The following RAPGEF4 variants were observed in gnomAD, a reference collection of about 807,000 sequenced individuals.
RAPGEF4 encodes RAP guanine-nucleotide-exchange factor (GEF) 4.
In RAPGEF4, 66 loss-of-function variants were observed where a neutral mutation model predicts 147.9. The observed-to-expected ratio is 0.45, with a 90% CI of 0.37 to 0.55. The LOEUF (loss-of-function observed/expected upper bound fraction) is 0.55, where lower values mean the gene tolerates loss of function less well. Ranked by LOEUF, RAPGEF4 falls within the 20% of genes least tolerant of loss-of-function variation. RAPGEF4 has a pLI of 0.00. For synonymous variants in RAPGEF4, 419 were observed against 442.7 expected, an observed-to-expected ratio of 0.95 and a Z score of 0.67; for missense variants, 1,071 against 1,257.3, an observed-to-expected ratio of 0.85 and a Z score of 2.24.
chr2:173,002,920 C>G, intron 17 of RAPGEF4, among the ~76,000 whole-genome samples: 1 of 152,164 alleles, frequency 6.6e-6, no homozygotes, highest in East Asian at 1.9e-4. Flanking sequence ...TGAACAAATT[C>G]AGGATGTCTG....
At chr2:172,827,889 C>T (rs183469855) in intron 4 of RAPGEF4, among the ~76,000 whole-genome samples, 35 of 152,288 alleles carry the variant, frequency 2.3e-4, no homozygotes, top group Non-Finnish European at 3.5e-4. Flanking sequence ...CTCGCTGCTG[C>T]CCAAGGATTA....
intron 1 of RAPGEF4, among the ~76,000 whole-genome samples, chr2:172,786,588 C>T (rs1392379328): frequency 6.6e-6 from 1 of 152,170 alleles, no homozygotes; most frequent in Non-Finnish European, 1.5e-5. Context: ...GGTTTTAACA[C>T]TTATTTATAG....
intron 1 of RAPGEF4, among the ~76,000 whole-genome samples, chr2:172,784,686 AAAT>A (rs146547151): frequency 0.015 from 2,219 of 152,326 alleles, 19 homozygotes; most frequent in South Asian, 0.029. Flanking sequence ...CATATAATTA[AAAT>A]AATAACATAA....
At position 172,861,940 on chromosome 2, in the gene RAPGEF4, T is replaced by C. The variant is rs192077167; in HGVS notation, c.444+47515T>C. ...CAAAATGATGCACGTAGCAAGAACT[T>C]GCTTTAAATGAGCCCACTGCCAGCA... On this transcript the variant is annotated intron_variant, in intron 4 of 30. Coordinates refer to ENST00000397081, the MANE Select transcript of RAPGEF4 (RefSeq NM_007023.4). 2.4e-3 allele frequency among the ~76,000 whole-genome samples: 361 copies of C among 152,336 alleles called. 1 individual carries two copies. The highest frequency in any genetic ancestry group is 3.5e-3 in the Non-Finnish European group (236 of 68,024).
chr2:173,017,340 G>A (rs145408808), intron 20 of RAPGEF4, 86 bp from the exon 21 acceptor site: 1 of 1,494,806 alleles, frequency 6.7e-7, no homozygotes, highest in African/African-American at 1.4e-5. Context: ...TCTTGACTCT[G>A]CTTGCTTCTC....
chr2:172,889,790 A>G lies in RAPGEF4; in HGVS notation c.445-28012A>G, dbSNP rs1575146013. 3.1e-6 allele frequency: 3 copies of G among 973,010 alleles called. No individual in the cohort carries two copies. In the African/African-American group the frequency reaches 5.3e-5, roughly 17 times the overall value. The allele number at this position is 973,010 out of a possible 1,614,324, so 60.3% of individuals were successfully genotyped here. On this transcript the variant is annotated intron_variant, in intron 4 of 30. Transcript: ENST00000397081. ...TAAAAATATAGATAGATATTTTGTAAGATTCTAGTCAATGTCAGTATTTAA... is the reference window on the plus strand; with the variant it reads ...TAAAAATATAGATAGATATTTTGTAGGATTCTAGTCAATGTCAGTATTTAA...
chr2:172,818,618 C>T (rs1559056797), intron 4 of RAPGEF4, among the ~76,000 whole-genome samples: 1 of 152,154 alleles, frequency 6.6e-6, no homozygotes, highest in Non-Finnish European at 1.5e-5. Context: ...CTTGTAGGTA[C>T]TCTTACTGTC....
chr2:172,896,110 C>T (rs552934985), intron 4 of RAPGEF4, among the ~76,000 whole-genome samples: 1 of 152,222 alleles, frequency 6.6e-6, no homozygotes, highest in Non-Finnish European at 1.5e-5. Context: ...CATGAACTGC[C>T]GAACTTCACA....
At chr2:172,780,244 C>G (rs903214560) in intron 1 of RAPGEF4, among the ~76,000 whole-genome samples, 1 of 152,146 alleles carries the variant, frequency 6.6e-6, no homozygotes, top group Admixed American at 6.5e-5. Flanking sequence ...AATTCTTCAA[C>G]AGGTGGCTTA....
intron 3 of RAPGEF4, among the ~76,000 whole-genome samples, chr2:172,804,123 G>GA (rs563676805): frequency 1.1e-4 from 17 of 148,522 alleles, no homozygotes; most frequent in South Asian, 2.1e-4. Flanking sequence ...AATTTTTTCT[G>GA]AAAAAAAAAA....
At chr2:172,826,355 A>G (rs567642723) in intron 4 of RAPGEF4, among the ~76,000 whole-genome samples, 9 of 152,220 alleles carry the variant, frequency 5.9e-5, no homozygotes, top group Non-Finnish European at 1.0e-4. Flanking sequence ...ACTCTTACCA[A>G]TAAGTTTTAA....
At chr2:173,037,404 A>G (rs1684181189) in intron 29 of RAPGEF4, among the ~76,000 whole-genome samples, 1 of 152,066 alleles carries the variant, frequency 6.6e-6, no homozygotes, top group Admixed American at 6.5e-5. Context: ...TTTTTTCACA[A>G]CAGATGTGGA....
rs11397728 is a variant in RAPGEF4, at chr2:173,001,993, C to CAAAAAAA, written c.1658+665_1658+671dup. Among the ~76,000 whole-genome samples, 25 of 79,312 alleles carry CAAAAAAA rather than the reference C, an allele frequency of 3.2e-4. 2 individuals carry two copies. Among genetic ancestry groups the CAAAAAAA allele is most frequent in the East Asian group, 1.3e-3 (2 of 1,490 alleles). The allele number at this position is 79,312 out of a possible 152,430, so 52.0% of individuals were successfully genotyped here. A position where few individuals can be genotyped will look rare whatever the true frequency, so the allele number is the denominator to read the frequency against. Reference sequence around the variant, plus strand: ...GCTTACCACAGGAAGGTGATGCTGGCAAAAAAAAAAAAAAAAAAAAAATCC... The same window carrying CAAAAAAA: ...GCTTACCACAGGAAGGTGATGCTGGCAAAAAAAAAAAAAAAAAAAAAAAAAAAAATCC... On this transcript the variant is annotated intron_variant, in intron 17 of 30. Coordinates refer to ENST00000397081, the MANE Select transcript of RAPGEF4 (RefSeq NM_007023.4).
chr2:173,014,869 A>T (rs1349824171), intron 18 of RAPGEF4, among the ~76,000 whole-genome samples: 1 of 152,182 alleles, frequency 6.6e-6, no homozygotes, highest in African/African-American at 2.4e-5. Context: ...TTTATCTTGT[A>T]GTCACGTAGC....
At chr2:172,761,314 A>G (rs1188077710) in intron 1 of RAPGEF4, among the ~76,000 whole-genome samples, 1 of 151,790 alleles carries the variant, frequency 6.6e-6, no homozygotes, top group African/African-American at 2.4e-5. Flanking sequence ...TAGTACAGAC[A>G]AGGTTTCTCC....
rs368051118 is a variant in RAPGEF4 at position 173,018,700 on chromosome 2, C to T, written c.2053C>T (p.Arg685Trp). 94 of 1,613,992 alleles carry T rather than the reference C, an allele frequency of 5.8e-5. No individual in the cohort carries two copies. Among genetic ancestry groups the T allele is most frequent in the East Asian group, 2.9e-4 (13 of 44,888 alleles). Reference protein sequence around the residue: ...YCMDHTYTTIRVPVATSVKEV... With the variant: ...YCMDHTYTTIWVPVATSVKEV... ...CATGGACCACACCTACACAACCATT[C>T]GGGTGCCAGTGGCCACTTCGGTGAA... is the stretch of plus-strand genomic sequence containing the variant. The change falls in exon 22 of 31, where the codon CGG becomes TGG. Residue 685 changes from arginine to tryptophan, a missense_variant. Transcript: ENST00000397081.
chr2:172,880,587 G>C (rs192971587), intron 4 of RAPGEF4, among the ~76,000 whole-genome samples: 1 of 152,190 alleles, frequency 6.6e-6, no homozygotes, highest in African/African-American at 2.4e-5. Flanking sequence ...GGATATAAGG[G>C]AAATGTATAG....
At chr2:172,816,444 C>T (rs1688511930) in intron 4 of RAPGEF4, among the ~76,000 whole-genome samples, 1 of 152,052 alleles carries the variant, frequency 6.6e-6, no homozygotes, top group Admixed American at 6.6e-5. Context: ...GGAAATTAGG[C>T]TAAAGGTTTG....
rs538296119 is a variant in RAPGEF4, at chr2:172,811,111, T to G, written c.298-3168T>G. Among the ~76,000 whole-genome samples the G allele has an allele frequency of 7.5e-4, 115 of 152,332 alleles. 1 individual carries two copies. In the South Asian group the frequency reaches 0.023, roughly 31 times the overall value. On this transcript the variant is annotated intron_variant, in intron 3 of 30. Coordinates refer to ENST00000397081, the MANE Select transcript of RAPGEF4 (RefSeq NM_007023.4). ...GGCAAGGAAGCTGGGGTGTTTATCTTCCCACTCTCATGTCCTACCACTGTC... is the reference window on the plus strand; with the variant it reads ...GGCAAGGAAGCTGGGGTGTTTATCTGCCCACTCTCATGTCCTACCACTGTC...
Sources: allele counts gnomAD v4.1 joint callset (sites outside exome capture counted in the v4.1 genomes callset), GRCh38; gene constraint gnomAD v4.1.1; transcripts MANE v1.5; gene names NCBI Gene and HGNC (gene_info 2026-07-23, HGNC 2026-07-21).